Variants in POLRMT observed in about 807,000 individuals in gnomAD.
POLRMT encodes the protein DNA-directed RNA polymerase, mitochondrial.
A neutral mutation model predicts 132.2 loss-of-function variants in POLRMT; 114 were observed. The observed-to-expected ratio is 0.86, with a 90% CI of 0.74 to 1.01. The LOEUF (loss-of-function observed/expected upper bound fraction) is 1.01. Ranked by LOEUF, POLRMT falls within the 50% of genes least tolerant of loss-of-function variation. The pLI, the probability that POLRMT is intolerant of heterozygous loss-of-function variation, is 0.00. For synonymous variants in POLRMT, 1,020 were observed against 773.4 expected, an observed-to-expected ratio of 1.32 and a Z score of -5.29; for missense variants, 2,003 against 1,729.1, an observed-to-expected ratio of 1.16 and a Z score of -2.81.
intron 13 of POLRMT, 143 bp downstream of exon 13, chr19:619,443 G>C (rs747805196): frequency 2.9e-6 from 4 of 1,376,072 alleles, no homozygotes; most frequent in Non-Finnish European, 4.0e-6. Flanking sequence ...CAGTCAGCAA[G>C]AAACGCCCAA....
At chr19:633,013 G>T in intron 1 of POLRMT, 75 bp from the exon 2 acceptor site, 1 of 1,072,238 alleles carries the variant, frequency 9.3e-7, no homozygotes, top group Non-Finnish European at 1.3e-6. Context: ...GAAGCCGAAG[G>T]GTCGAAGGGC....
chr19:619,822 CCAAGCACCCAT>C, intron 12 of POLRMT, 57 bp from the exon 13 acceptor site: 2 of 1,550,136 alleles, frequency 1.3e-6, no homozygotes, highest in Non-Finnish European at 1.7e-6. Flanking sequence ...CCAGGGGCCA[CCAAGCACCCAT>C]GAAGCCCCCG....
rs1388776260 is a variant in POLRMT at position 626,874 on chromosome 19, T to C, written c.823-1620A>G. On this transcript the variant is annotated intron_variant, in intron 3 of 20. Coordinates refer to ENST00000588649, the MANE Select transcript of POLRMT (RefSeq NM_005035.4). Reference sequence around the variant, plus strand: ...TTGCTGTCGACAGACTTGGAGACTCTGTCTTAAAATATACACACACACACA... The same window carrying C: ...TTGCTGTCGACAGACTTGGAGACTCCGTCTTAAAATATACACACACACACA... Among the ~76,000 whole-genome samples, 4 of 123,566 alleles carry C rather than the reference T, an allele frequency of 3.2e-5. No homozygotes were observed. In the East Asian group the frequency reaches 9.9e-4, roughly 31 times the overall value. 81.1% of individuals were successfully genotyped at this position (123,566 alleles called of 152,430 possible). A position where few individuals can be genotyped will look rare whatever the true frequency, so the allele number is the denominator to read the frequency against.
rs1985580461 is a variant in POLRMT, at chr19:633,487, C to G, written c.26G>C (p.Gly9Ala). The G allele has an allele frequency of 6.4e-7, 1 of 1,559,114 alleles. No individual in the cohort carries two copies. Reference sequence around the variant, plus strand: ...TAGGGCTCGTTTGAGCCCCGCCGCTCCGCGGCCCCAGCAAAGTGCCGACAT... The same window carrying G: ...TAGGGCTCGTTTGAGCCCCGCCGCTGCGCGGCCCCAGCAAAGTGCCGACAT... MSALCWGR[G>A]AAGLKRALRP... The change falls in exon 1 of 21, where the codon GGA becomes GCA. Residue 9 changes from glycine to alanine, a missense_variant. Physicochemically the swap from Gly to Ala is moderately conservative, Grantham distance 60. Coordinates refer to ENST00000588649, the MANE Select transcript of POLRMT (RefSeq NM_005035.4).
chr19:632,993 C>T, intron 1 of POLRMT, 55 bp from the exon 2 acceptor site: 1 of 1,306,566 alleles, frequency 7.7e-7, no homozygotes, highest in Non-Finnish European at 1.0e-6. Context: ...CGGGGGCCTC[C>T]ATAAAGGCAG....
At chr19:623,064 TC>T (rs41546216) in intron 6 of POLRMT, 79 bp from the exon 7 acceptor site, 217,669 of 1,503,230 alleles carry the variant, frequency 0.14, 17,389 homozygotes, top group Middle Eastern at 0.17. Flanking sequence ...TCACCGCAGC[TC>T]CCTGCAGAGA....
chr19:618,688 C>A lies in POLRMT; in HGVS notation c.3323+17G>T. Reference sequence around the variant, plus strand: ...TCCAGACCCCCGGCCAGGCCCCAGCCCGGGCCCCCCACTCACCGGCTGATG... The same window carrying A: ...TCCAGACCCCCGGCCAGGCCCCAGCACGGGCCCCCCACTCACCGGCTGATG... On this transcript the variant is annotated intron_variant, in intron 16 of 20. Transcript: ENST00000588649. The A allele has an allele frequency of 6.3e-7, 1 of 1,599,470 alleles. No individual in the cohort carries two copies. Among genetic ancestry groups the A allele is most frequent in the South Asian group, 1.1e-5 (1 of 90,228 alleles).
chr19:630,186 C>T lies in POLRMT; in HGVS notation c.194-18G>A, dbSNP rs372664538. On this transcript the variant is annotated intron_variant, in intron 2 of 20. Coordinates refer to ENST00000588649, the MANE Select transcript of POLRMT (RefSeq NM_005035.4). The stretch of plus-strand genomic sequence containing the variant: ...CTGGAGCACTGTGAGGGGCAGAAGG[C>T]GAGGACATGAGAGGGACCCCCTCCC... The T allele has an allele frequency of 1.1e-5, 17 of 1,564,824 alleles. No individual in the cohort carries two copies. Among genetic ancestry groups the T allele is most frequent in the Admixed American group, 1.1e-4 (6 of 56,296 alleles).
chr19:623,170 G>A (rs1013652198), intron 6 of POLRMT, among the ~76,000 whole-genome samples, 185 bp from the exon 7 acceptor site: 3 of 152,248 alleles, frequency 2.0e-5, no homozygotes, highest in Non-Finnish European at 4.4e-5. Flanking sequence ...GCAGCCAAGA[G>A]CAAAAGCCCA....
Position 618,774 on chromosome 19 carries a change from G to A in POLRMT, c.3268-14C>T, listed in dbSNP as rs940505549. 19 of 1,588,096 alleles carry A rather than the reference G, an allele frequency of 1.2e-5. No individual in the cohort carries two copies. The highest frequency in any genetic ancestry group is 1.5e-5 in the Non-Finnish European group (18 of 1,168,380). On this transcript the variant is annotated splice_polypyrimidine_tract_variant and intron_variant, in intron 15 of 20. Coordinates refer to ENST00000588649, the MANE Select transcript of POLRMT (RefSeq NM_005035.4). ...ACCTCCTATTTGCTAAAAAGGGGAAGGGGCCGGTGAGTCCCACCCGAGGCC... is the reference window on the plus strand; with the variant it reads ...ACCTCCTATTTGCTAAAAAGGGGAAAGGGCCGGTGAGTCCCACCCGAGGCC...
At chr19:622,533 C>G (rs760015643) in intron 8 of POLRMT, 49 bp downstream of exon 8, 4 of 1,538,542 alleles carry the variant, frequency 2.6e-6, no homozygotes, top group Non-Finnish European at 3.5e-6. Context: ...AGGGAGAGCG[C>G]CCACCCACCA....
Position 621,072 on chromosome 19 carries a change from C to A in POLRMT, c.2626G>T (p.Asp876Tyr). ...EVMDDILDSADQPLTGRKWWM... is the reference protein window; with the variant it reads ...EVMDDILDSAYQPLTGRKWWM... Reference sequence around the variant, plus strand: ...CCCGCCCCTACCGTCAAGGGTTGGTCCGCGGAGTCCAGGATGTCATCCATC... The same window carrying A: ...CCCGCCCCTACCGTCAAGGGTTGGTACGCGGAGTCCAGGATGTCATCCATC... Residue 876 changes from aspartate to tyrosine, a missense_variant, in exon 10 of 21, where the codon GAC becomes TAC. Physicochemically the swap from Asp to Tyr is radical, Grantham distance 160. Transcript: ENST00000588649. 1 of 1,600,580 alleles carries A rather than the reference C, an allele frequency of 6.2e-7. No individual in the cohort carries two copies. Among genetic ancestry groups the A allele is most frequent in the Non-Finnish European group, 8.5e-7 (1 of 1,175,842 alleles).
chr19:620,023 C>A lies in POLRMT; in HGVS notation c.2821G>T (p.Ala941Ser). The A allele has an allele frequency of 6.3e-7, 1 of 1,574,826 alleles. No individual in the cohort carries two copies. Among genetic ancestry groups the A allele is most frequent in the Non-Finnish European group, 8.6e-7 (1 of 1,165,044 alleles). ...GAGGGCTCCAGGTTGACGGAGGCGGCGCCCACGCTGTCGCGGCCCAGAGCA... is the reference window on the plus strand; with the variant it reads ...GAGGGCTCCAGGTTGACGGAGGCGGAGCCCACGCTGTCGCGGCCCAGAGCA... ...YAALGRDSVG[A>S]ASVNLEPSDV... Residue 941 changes from alanine to serine, a missense_variant, in exon 12 of 21, where the codon GCC (alanine) becomes TCC (serine). By Grantham distance (99) the Ala-to-Ser change is moderately conservative. Transcript: ENST00000588649.
intron 3 of POLRMT, among the ~76,000 whole-genome samples, chr19:626,155 TTTAA>T (rs1034810874): frequency 6.6e-6 from 1 of 151,150 alleles, no homozygotes; most frequent in African/African-American, 2.4e-5. Flanking sequence ...GGAAATTTTA[TTTAA>T]TTATTTTTTT....
chr19:632,675 C>T (rs12609008), intron 2 of POLRMT, among the ~76,000 whole-genome samples, 159 bp downstream of exon 2: 21,627 of 152,172 alleles, frequency 0.14, 1,631 homozygotes, highest in East Asian at 0.26. Context: ...GGCCCATGAG[C>T]GGTGCAAGAG....
intron 2 of POLRMT, among the ~76,000 whole-genome samples, chr19:631,586 C>T (rs893884294): frequency 6.6e-6 from 1 of 151,896 alleles, no homozygotes; most frequent in Non-Finnish European, 1.5e-5. Flanking sequence ...CTGCAGTGAG[C>T]CAAGATCGCA....
chr19:630,133 T>C lies in POLRMT; in HGVS notation c.229A>G (p.Ser77Gly). The C allele has an allele frequency of 6.2e-7, 1 of 1,606,718 alleles. No homozygotes were observed. Among genetic ancestry groups the C allele is most frequent in the Admixed American group, 1.7e-5 (1 of 59,680 alleles). Reference protein sequence around the residue: ...QARVRQLQAESVSEVVVNRVD... With the variant: ...QARVRQLQAEGVSEVVVNRVD... ...CTGTTCACCACCACCTCCGACACGCTCTCAGCCTGCAGCTGCCGCACCCGC... is the reference window on the plus strand; with the variant it reads ...CTGTTCACCACCACCTCCGACACGCCCTCAGCCTGCAGCTGCCGCACCCGC... Residue 77 changes from serine (S) to glycine (G), a missense_variant, in exon 3 of 21, where the codon AGC becomes GGC. Physicochemically the swap from Ser to Gly is moderately conservative, Grantham distance 56. Coordinates refer to ENST00000588649, the MANE Select transcript of POLRMT (RefSeq NM_005035.4).
intron 8 of POLRMT, 24 bp downstream of exon 8, chr19:622,555 CAGG>C (rs751983100): frequency 2.9e-5 from 45 of 1,575,704 alleles, no homozygotes; most frequent in African/African-American, 2.3e-4. Context: ...TGGCCCCAGC[CAGG>C]AGGAGAGGGG....
At position 617,300 on chromosome 19, in the gene POLRMT, T is replaced by C; in HGVS notation, c.3667A>G (p.Lys1223Glu). ...CAGCTGAAGAAGTAGGTGGAACGCT[T>C]CACCTGCTCCAGGTCGAAGGCCCCT... ...KPGAFDLEQVKRSTYFFS is the reference protein window; with the variant it reads ...KPGAFDLEQVERSTYFFS The change falls in exon 21 of 21, where the codon AAG becomes GAG. Residue 1223 changes from lysine to glutamate, a missense_variant. By Grantham distance (56) the Lys-to-Glu change is moderately conservative (BLOSUM62 1). Transcript: ENST00000588649. The C allele has an allele frequency of 6.2e-7, 1 of 1,612,882 alleles. No homozygotes were observed. Among genetic ancestry groups the C allele is most frequent in the Non-Finnish European group, 8.5e-7 (1 of 1,179,876 alleles).
Sources: gnomAD v4.1 joint callset for allele counts (sites outside exome capture counted in the v4.1 genomes callset) on GRCh38, gnomAD v4.1.1 for gene constraint, MANE v1.5 for transcripts, NCBI Gene and HGNC (gene_info 2026-07-23, HGNC 2026-07-21) for gene names.